RASA1: variants seen among roughly 807,000 people sequenced by gnomAD.
The protein encoded by RASA1 is RAS p21 protein activator 1, also known as ras GTPase-activating protein 1.
RASA1 carries 25 observed loss-of-function variants against 132.2 expected under a neutral mutation model. That is an observed-to-expected ratio of 0.19 (90% CI 0.14 to 0.26). The LOEUF (loss-of-function observed/expected upper bound fraction) is 0.26, where lower values mean the gene tolerates loss of function less well. RASA1 is among the 10% of genes least tolerant of loss of function. The pLI, the probability that RASA1 is intolerant of heterozygous loss-of-function variation, is 1.00. For synonymous variants in RASA1, 477 were observed against 449.9 expected (o/e 1.06, Z -0.76); for missense variants, 964 against 1,299.2 (o/e 0.74, Z 3.97).
intron 1 of RASA1, 64 bp from the exon 2 acceptor site, chr5:87,331,283 CA>C: frequency 6.7e-7 from 1 of 1,482,736 alleles, no homozygotes; most frequent in Non-Finnish European, 9.4e-7. Flanking sequence ...GTATGTTTTT[CA>C]AGTGTCCATA....
chr5:87,348,377 T>C (rs552086259), intron 7 of RASA1, among the ~76,000 whole-genome samples: 16 of 152,096 alleles, frequency 1.1e-4, no homozygotes, highest in African/African-American at 3.6e-4. Flanking sequence ...TCTGGATCAT[T>C]TGAACTTAAA....
At chr5:87,349,401 C>CA in intron 8 of RASA1, 37 bp downstream of exon 8, 1 of 1,602,128 alleles carries the variant, frequency 6.2e-7, no homozygotes, top group Non-Finnish European at 8.5e-7. Flanking sequence ...TTACTTTTCG[C>CA]AAAAATAGTT....
chr5:87,369,750 C>A, intron 11 of RASA1, 63 bp from the exon 12 acceptor site: 1 of 1,028,564 alleles, frequency 9.7e-7, no homozygotes, highest in Non-Finnish European at 1.5e-6. Flanking sequence ...GTTTTGGAAG[C>A]TGGTATAAAT....
chr5:87,367,855 A>G (rs1178857863), intron 11 of RASA1, among the ~76,000 whole-genome samples: 1 of 152,036 alleles, frequency 6.6e-6, no homozygotes, highest in Non-Finnish European at 1.5e-5. Context: ...TCTGTTTTAG[A>G]GGTAATGTAT....
chr5:87,310,496 T>A (rs1416671232), intron 1 of RASA1, among the ~76,000 whole-genome samples: 5 of 152,184 alleles, frequency 3.3e-5, no homozygotes, highest in African/African-American at 1.2e-4. Flanking sequence ...ACCAAAAATT[T>A]ACAACTAATG....
chr5:87,386,956 G>T, intron 23 of RASA1, 53 bp downstream of exon 23: 1 of 1,435,110 alleles, frequency 7.0e-7, no homozygotes, highest in South Asian at 1.2e-5. Context: ...TGATATAGCT[G>T]AGTTAACCCA....
intron 7 of RASA1, among the ~76,000 whole-genome samples, chr5:87,348,591 C>T (rs989774342): frequency 6.6e-6 from 1 of 151,468 alleles, no homozygotes; most frequent in Non-Finnish European, 1.5e-5. Flanking sequence ...TTTGAATCTA[C>T]CTTTATAAAA....
chr5:87,302,130 GTGTT>G (rs1755392713), intron 1 of RASA1, among the ~76,000 whole-genome samples: 1 of 152,154 alleles, frequency 6.6e-6, no homozygotes, highest in Non-Finnish European at 1.5e-5. Context: ...GTTTTGCAAA[GTGTT>G]TGTACCCATT....
chr5:87,383,034 G>A (rs1317586709), intron 20 of RASA1, among the ~76,000 whole-genome samples: 1 of 152,088 alleles, frequency 6.6e-6, no homozygotes, highest in African/African-American at 2.4e-5. Context: ...CAAGGTTGCA[G>A]TGAGCTGTGA....
chr5:87,300,906 TA>T (rs1755331437), intron 1 of RASA1, among the ~76,000 whole-genome samples: 1 of 152,220 alleles, frequency 6.6e-6, no homozygotes, highest in Non-Finnish European at 1.5e-5. Flanking sequence ...TCTCTGACCT[TA>T]GTGGGCATGA....
At chr5:87,354,596 T>A (rs1225744574) in intron 9 of RASA1, among the ~76,000 whole-genome samples, 1 of 152,124 alleles carries the variant, frequency 6.6e-6, no homozygotes, top group Non-Finnish European at 1.5e-5. Flanking sequence ...CACAACACTA[T>A]TAAAATTGGG....
chr5:87,308,306 T>G (rs757115623), intron 1 of RASA1, among the ~76,000 whole-genome samples: 1 of 151,996 alleles, frequency 6.6e-6, no homozygotes, highest in Admixed American at 6.6e-5. Context: ...AGTGGCAGAG[T>G]GGCTGCTGAA....
intron 1 of RASA1, among the ~76,000 whole-genome samples, chr5:87,321,751 T>C (rs1393225603): frequency 1.3e-5 from 2 of 152,216 alleles, no homozygotes; most frequent in African/African-American, 4.8e-5. Flanking sequence ...CACCTTCACA[T>C]GTTCAGCTGT....
chr5:87,386,712 G>T, intron 22 of RASA1, 114 bp from the exon 23 acceptor site: 1 of 826,920 alleles, frequency 1.2e-6, no homozygotes, highest in South Asian at 1.4e-5. Flanking sequence ...ATATTAATTT[G>T]GTGCAATAGT....
intron 20 of RASA1, among the ~76,000 whole-genome samples, chr5:87,383,092 TCAAAGAAAA>T (rs1263517525): frequency 6.6e-5 from 10 of 151,934 alleles, no homozygotes; most frequent in East Asian, 3.9e-4. Context: ...AAACCCTATC[TCAAAGAAAA>T]CAAAGAAAAA....
chr5:87,330,921 A>G, intron 1 of RASA1: 4 of 1,387,120 alleles, frequency 2.9e-6, no homozygotes, highest in Non-Finnish European at 3.8e-6. Flanking sequence ...GGAATAAAAC[A>G]TTTTATATTC....
intron 1 of RASA1, among the ~76,000 whole-genome samples, chr5:87,312,615 T>C (rs185088154): frequency 1.6e-3 from 245 of 152,262 alleles, no homozygotes; most frequent in African/African-American, 5.5e-3. Context: ...CTAGAGGTTA[T>C]CGAAGGATGA....
At chr5:87,364,527 C>G (rs559993980) in intron 11 of RASA1, among the ~76,000 whole-genome samples, 1 of 152,016 alleles carries the variant, frequency 6.6e-6, no homozygotes, top group Non-Finnish European at 1.5e-5. Flanking sequence ...CCCCTGAATA[C>G]TCACTGATAC....
intron 1 of RASA1, among the ~76,000 whole-genome samples, chr5:87,323,126 A>G (rs1756950163): frequency 6.6e-6 from 1 of 152,200 alleles, no homozygotes; most frequent in African/African-American, 2.4e-5. Flanking sequence ...ATGACTGTGA[A>G]TAAATACAGA....
Sources: gnomAD v4.1 joint callset for allele counts (sites outside exome capture counted in the v4.1 genomes callset) on GRCh38, gnomAD v4.1.1 for gene constraint, MANE v1.5 for transcripts, NCBI Gene and HGNC (gene_info 2026-07-23, HGNC 2026-07-21) for gene names.